Variants in GRID2 observed in about 807,000 individuals in gnomAD.
GRID2 encodes glutamate receptor ionotropic, delta-2.
A neutral mutation model predicts 114.8 loss-of-function variants in GRID2; 33 were observed. That is an observed-to-expected ratio of 0.29 (90% CI 0.22 to 0.38). The LOEUF is 0.38. Ranked by LOEUF, GRID2 falls within the 10% of genes least tolerant of loss-of-function variation. The pLI is 1.00. For synonymous variants in GRID2, 505 were observed against 449.9 expected (o/e 1.12, Z -1.55); for missense variants, 1,184 against 1,257.7 (o/e 0.94, Z 0.89).
intron 10 of GRID2, among the ~76,000 whole-genome samples, chr4:93,445,995 A>G (rs1457277894): frequency 2.6e-5 from 4 of 152,030 alleles, no homozygotes; most frequent in Admixed American, 6.6e-5. Flanking sequence ...TCAAAAAAGC[A>G]CACTCCTAAG....
At chr4:92,532,141 A>T (rs954068032) in intron 1 of GRID2, among the ~76,000 whole-genome samples, 10 of 151,854 alleles carry the variant, frequency 6.6e-5, no homozygotes, top group Admixed American at 2.0e-4. Context: ...GTTGAGTGGG[A>T]TATGTTCATG....
chr4:93,673,821 T>A (rs148659791), intron 14 of GRID2, among the ~76,000 whole-genome samples: 1 of 152,334 alleles, frequency 6.6e-6, no homozygotes, highest in Non-Finnish European at 1.5e-5. Context: ...ATGCGCACCA[T>A]AAATCAAACT....
At chr4:92,497,413 A>G (rs913107082) in intron 1 of GRID2, among the ~76,000 whole-genome samples, 2 of 151,894 alleles carry the variant, frequency 1.3e-5, no homozygotes, top group Non-Finnish European at 3.0e-5. Flanking sequence ...ACAAGAAGCT[A>G]GATGTTGTTC....
intron 1 of GRID2, among the ~76,000 whole-genome samples, chr4:92,589,663 G>A (rs1314936135): frequency 6.6e-6 from 1 of 152,036 alleles, no homozygotes; most frequent in African/African-American, 2.4e-5. Flanking sequence ...CAAAAAAATG[G>A]GGGGAGTAAG....
At chr4:93,200,190 T>C (rs1741923460) in intron 4 of GRID2, among the ~76,000 whole-genome samples, 1 of 152,228 alleles carries the variant, frequency 6.6e-6, no homozygotes, top group Non-Finnish European at 1.5e-5. Context: ...GAGAACATTG[T>C]GGTTTTATTT....
intron 1 of GRID2, among the ~76,000 whole-genome samples, chr4:92,541,918 A>G (rs988653498): frequency 2.0e-5 from 3 of 152,108 alleles, no homozygotes; most frequent in Non-Finnish European, 4.4e-5. Context: ...GAAGAGGAAG[A>G]TTTCTAAAAT....
intron 2 of GRID2, among the ~76,000 whole-genome samples, chr4:93,014,093 CAT>C (rs1398089196): frequency 1.3e-5 from 2 of 151,972 alleles, no homozygotes; most frequent in African/African-American, 2.4e-5. Flanking sequence ...TAATTCTGCT[CAT>C]GTGTCAGTTG....
chr4:92,787,958 A>C (rs1282022684), intron 2 of GRID2, among the ~76,000 whole-genome samples: 1 of 151,822 alleles, frequency 6.6e-6, no homozygotes, highest in African/African-American at 2.4e-5. Flanking sequence ...AGGCTGTATA[A>C]ATGGAACATA....
At chr4:92,404,288 GAA>G (rs1730928353) in intron 1 of GRID2, among the ~76,000 whole-genome samples, 1 of 152,032 alleles carries the variant, frequency 6.6e-6, no homozygotes. Flanking sequence ...AGAGTTAAGA[GAA>G]AAACAATTCT....
chr4:92,643,114 T>G (rs539390518), intron 2 of GRID2, among the ~76,000 whole-genome samples: 2 of 151,846 alleles, frequency 1.3e-5, no homozygotes, highest in Admixed American at 1.3e-4. Context: ...TTTAGAATAG[T>G]TTTATTTTTT....
intron 14 of GRID2, among the ~76,000 whole-genome samples, chr4:93,708,795 T>G (rs1728229245): frequency 6.6e-6 from 1 of 151,956 alleles, no homozygotes; most frequent in Non-Finnish European, 1.5e-5. Context: ...CTGTCTTCTT[T>G]TTGAGGAAAT....
At chr4:92,437,758 T>C (rs1189753925) in intron 1 of GRID2, among the ~76,000 whole-genome samples, 1 of 152,238 alleles carries the variant, frequency 6.6e-6, no homozygotes. Flanking sequence ...ATATTACATC[T>C]ACATGGCAAC....
intron 8 of GRID2, among the ~76,000 whole-genome samples, chr4:93,375,489 G>A (rs896829946): frequency 1.7e-4 from 26 of 152,054 alleles, no homozygotes; most frequent in Non-Finnish European, 2.6e-4. Context: ...GGGATTACAG[G>A]TGTGAGCCAC....
intron 1 of GRID2, among the ~76,000 whole-genome samples, chr4:92,376,724 T>C (rs193119368): frequency 6.6e-6 from 1 of 152,140 alleles, no homozygotes; most frequent in African/African-American, 2.4e-5. Flanking sequence ...AGGCAGAGGT[T>C]CCCAAACCCC....
At chr4:93,168,518 T>G (rs1324882927) in intron 4 of GRID2, among the ~76,000 whole-genome samples, 2 of 152,078 alleles carry the variant, frequency 1.3e-5, no homozygotes, top group Admixed American at 1.3e-4. Flanking sequence ...ACAAGTAGAA[T>G]GTACTATTAA....
chr4:92,526,067 C>A (rs1020400585), intron 1 of GRID2, among the ~76,000 whole-genome samples: 6 of 151,604 alleles, frequency 4.0e-5, no homozygotes, highest in Non-Finnish European at 7.4e-5. Flanking sequence ...TTTATAGATA[C>A]TACAGCAAGC....
intron 8 of GRID2, among the ~76,000 whole-genome samples, chr4:93,326,973 A>AT (rs1314448499): frequency 1.3e-5 from 2 of 152,154 alleles, no homozygotes; most frequent in South Asian, 2.1e-4. Context: ...TCTTAAGGAC[A>AT]TTTTTTTCTT....
At chr4:92,789,158 C>G (rs1006591528) in intron 2 of GRID2, among the ~76,000 whole-genome samples, 3 of 151,720 alleles carry the variant, frequency 2.0e-5, no homozygotes, top group African/African-American at 7.3e-5. Context: ...CTTGAGAAAC[C>G]TAGTTTTAGA....
intron 13 of GRID2, among the ~76,000 whole-genome samples, chr4:93,528,770 A>G (rs757826054): frequency 2.0e-4 from 30 of 152,212 alleles, no homozygotes; most frequent in Non-Finnish European, 3.4e-4. Context: ...GGAAGTATGT[A>G]TAGTTCAACA....
Sources: gnomAD v4.1 joint callset for allele counts (sites outside exome capture counted in the v4.1 genomes callset) on GRCh38, gnomAD v4.1.1 for gene constraint, MANE v1.5 for transcripts, NCBI Gene and HGNC (gene_info 2026-07-23, HGNC 2026-07-21) for gene names.